The following MICAL3 variants were observed in gnomAD, a reference collection of about 807,000 sequenced individuals.
MICAL3 encodes the protein microtubule associated monooxygenase, calponin and LIM domain containing 3, also known as [F-actin]-monooxygenase MICAL3.
A neutral mutation model predicts 207.4 loss-of-function variants in MICAL3; 62 were observed. That is an observed-to-expected ratio of 0.30 (90% CI 0.24 to 0.37). The LOEUF is 0.37. MICAL3 is among the 10% of genes least tolerant of loss of function. MICAL3 has a pLI of 1.00. For synonymous variants in MICAL3, 1,077 were observed against 1,069.3 expected, an observed-to-expected ratio of 1.01 and a Z score of -0.14; for missense variants, 2,368 against 2,635.6, an observed-to-expected ratio of 0.90 and a Z score of 2.22.
intron 1 of MICAL3, among the ~76,000 whole-genome samples, chr22:17,998,387 C>G: frequency 6.6e-6 from 1 of 152,242 alleles, no homozygotes; most frequent in East Asian, 1.9e-4. Context: ...ATCATGTTAC[C>G]TCCATTTCTT....
At chr22:17,839,927 C>CTTTTTTTTTTT (rs67852343) in intron 20 of MICAL3, 7 of 95,838 alleles carry the variant, frequency 7.3e-5, no homozygotes, top group South Asian at 3.4e-4. Flanking sequence ...TTTTAATTAT[C>CTTTTTTTTTTT]TTTTTTTTTT....
chr22:17,889,532 G>A (rs904646922), intron 12 of MICAL3, among the ~76,000 whole-genome samples: 3 of 152,168 alleles, frequency 2.0e-5, no homozygotes, highest in Admixed American at 2.0e-4. Context: ...ATGTGAGCTC[G>A]AGAATAGGGA....
chr22:17,981,006 G>T, intron 1 of MICAL3: 3 of 451,494 alleles, frequency 6.6e-6, no homozygotes, highest in Non-Finnish European at 1.4e-5. Flanking sequence ...CTGCAGGAGG[G>T]CAGTATTTAC....
intron 20 of MICAL3, among the ~76,000 whole-genome samples, chr22:17,835,219 G>A (rs1048538637): frequency 4.0e-5 from 4 of 99,902 alleles, no homozygotes; most frequent in Admixed American, 3.7e-4. Context: ...CCTCACCTCC[G>A]TGCATCAGCT....
chr22:17,805,033 C>G (rs760304113), intron 29 of MICAL3, among the ~76,000 whole-genome samples: 10 of 152,308 alleles, frequency 6.6e-5, no homozygotes, highest in South Asian at 6.2e-4. Context: ...GATGGCAGGT[C>G]CATGCTAGAG....
intron 21 of MICAL3, among the ~76,000 whole-genome samples, chr22:17,831,407 C>A (rs760903662): frequency 6.6e-6 from 1 of 152,222 alleles, no homozygotes; most frequent in African/African-American, 2.4e-5. Context: ...CGCTGCCCTG[C>A]GTGCCATCAA....
At chr22:18,003,857 C>T (rs1923203539) in intron 1 of MICAL3, among the ~76,000 whole-genome samples, 1 of 152,114 alleles carries the variant, frequency 6.6e-6, no homozygotes, top group Non-Finnish European at 1.5e-5. Context: ...GCAACCTCCG[C>T]CTCCCGGGTT....
intron 1 of MICAL3, among the ~76,000 whole-genome samples, chr22:18,016,801 G>C (rs905528791): frequency 6.6e-6 from 1 of 151,966 alleles, no homozygotes; most frequent in Non-Finnish European, 1.5e-5. Flanking sequence ...TTAGCCGGGG[G>C]TGGTGGTGGG....
chr22:17,856,421 CCTCT>C (rs1405367116), intron 19 of MICAL3, among the ~76,000 whole-genome samples: 3 of 152,060 alleles, frequency 2.0e-5, no homozygotes, highest in Non-Finnish European at 4.4e-5. Flanking sequence ...CCTTCATTCT[CCTCT>C]CTAAGCACCC....
intron 13 of MICAL3, among the ~76,000 whole-genome samples, chr22:17,888,231 G>A (rs5747394): frequency 0.24 from 35,805 of 152,056 alleles, 4,221 homozygotes; most frequent in East Asian, 0.27. Context: ...CAGGAAAATT[G>A]AGTAACTTGC....
intron 1 of MICAL3, among the ~76,000 whole-genome samples, chr22:17,947,502 T>C (rs1282654705): frequency 6.6e-6 from 1 of 152,234 alleles, no homozygotes; most frequent in African/African-American, 2.4e-5. Context: ...ATTCTGGTTT[T>C]GCATCAACCT....
chr22:17,794,370 C>G (rs988787101), intron 29 of MICAL3, among the ~76,000 whole-genome samples: 4 of 152,258 alleles, frequency 2.6e-5, no homozygotes, highest in African/African-American at 9.6e-5. Flanking sequence ...CACGTGGAAT[C>G]CTCTAAGATG....
intron 1 of MICAL3, among the ~76,000 whole-genome samples, chr22:17,982,766 A>G (rs1306644994): frequency 1.1e-5 from 1 of 89,930 alleles, no homozygotes; most frequent in East Asian, 2.1e-4. Context: ...AAAGTAAAAT[A>G]AAGTAAAATA....
In MICAL3 at chr22:17,812,318, A is replaced by G. The variant is rs148346141; in HGVS notation, c.5446-1505T>C. 4.6e-3 allele frequency among the ~76,000 whole-genome samples: 697 copies of G among 152,322 alleles called. 10 individuals carry two copies. The highest frequency in any genetic ancestry group is 0.016 in the African/African-American group (645 of 41,572). ...ACCACATGCACTCCAGCCGGTGAGG[A>G]GCAGGTGTCTCATCCTCCTTCCCAC... On this transcript the variant is annotated intron_variant, in intron 27 of 31. Transcript: ENST00000441493.
chr22:17,910,756 C>T (rs913939209), intron 1 of MICAL3, among the ~76,000 whole-genome samples: 1 of 152,196 alleles, frequency 6.6e-6, no homozygotes, highest in East Asian at 1.9e-4. Context: ...AAGGGGCTTA[C>T]CCGGCATTCT....
chr22:17,830,813 G>A (rs913387900), intron 21 of MICAL3, among the ~76,000 whole-genome samples: 1 of 152,366 alleles, frequency 6.6e-6, no homozygotes, highest in African/African-American at 2.4e-5. Flanking sequence ...GACGCCAGCT[G>A]TTCTCGCGGA....
intron 29 of MICAL3, among the ~76,000 whole-genome samples, chr22:17,807,253 C>A (rs576198354): frequency 1.3e-5 from 2 of 152,210 alleles, no homozygotes; most frequent in African/African-American, 4.8e-5. Context: ...TAGGCCCGGA[C>A]GCAGTCGGGC....
intron 1 of MICAL3, among the ~76,000 whole-genome samples, chr22:17,914,374 T>A (rs1259677457): frequency 6.6e-6 from 1 of 152,088 alleles, no homozygotes; most frequent in Non-Finnish European, 1.5e-5. Flanking sequence ...CGGTGCCACA[T>A]CCACGCCTAT....
At chr22:17,820,908 T>G in intron 25 of MICAL3, among the ~76,000 whole-genome samples, 1 of 145,134 alleles carries the variant, frequency 6.9e-6, no homozygotes, top group East Asian at 2.0e-4. Context: ...TTTAATAAAT[T>G]TATATTTATA....
Sources: allele counts gnomAD v4.1 joint callset (sites outside exome capture counted in the v4.1 genomes callset), GRCh38; gene constraint gnomAD v4.1.1; transcripts MANE v1.5; gene names NCBI Gene and HGNC (gene_info 2026-07-23, HGNC 2026-07-21).